CNTN5: variants seen among roughly 807,000 people sequenced by gnomAD.
The protein encoded by CNTN5 is contactin 5.
A neutral mutation model predicts 129.1 loss-of-function variants in CNTN5; 77 were observed. The observed-to-expected ratio is 0.60, with a 90% CI of 0.50 to 0.72. CNTN5 has a LOEUF of 0.72. Ranked by LOEUF, CNTN5 falls within the 30% of genes least tolerant of loss-of-function variation. CNTN5 has a pLI of 0.00. For synonymous variants in CNTN5, 509 were observed against 465.6 expected (o/e 1.09, Z -1.20); for missense variants, 1,478 against 1,328.8 (o/e 1.11, Z -1.75).
At chr11:99,170,136 C>G (rs1341734142) in intron 1 of CNTN5, among the ~76,000 whole-genome samples, 1 of 151,968 alleles carries the variant, frequency 6.6e-6, no homozygotes, top group African/African-American at 2.4e-5. Flanking sequence ...TTATAGGTTA[C>G]TAATATTTTG....
chr11:99,404,098 A>T (rs1474658571), intron 2 of CNTN5, among the ~76,000 whole-genome samples: 1 of 152,070 alleles, frequency 6.6e-6, no homozygotes, highest in African/African-American at 2.4e-5. Flanking sequence ...TCCCTTAATC[A>T]TTATATAGGG....
intron 7 of CNTN5, among the ~76,000 whole-genome samples, chr11:99,925,508 A>G (rs1950040881): frequency 2.0e-5 from 3 of 152,140 alleles, no homozygotes; most frequent in South Asian, 2.1e-4. Flanking sequence ...TCAAAATGCA[A>G]TGGACACTGA....
chr11:99,734,858 A>C (rs1943649328), intron 3 of CNTN5, among the ~76,000 whole-genome samples: 1 of 152,216 alleles, frequency 6.6e-6, no homozygotes, highest in Non-Finnish European at 1.5e-5. Flanking sequence ...AATACAAAAA[A>C]TTAGCCCGGT....
At chr11:99,599,836 C>T (rs567944036) in intron 3 of CNTN5, among the ~76,000 whole-genome samples, 2 of 151,814 alleles carry the variant, frequency 1.3e-5, no homozygotes, top group African/African-American at 4.8e-5. Flanking sequence ...AGGAAAATGA[C>T]AGATTTACAA....
chr11:99,173,114 A>G (rs1857611440), intron 1 of CNTN5, among the ~76,000 whole-genome samples: 1 of 152,200 alleles, frequency 6.6e-6, no homozygotes, highest in African/African-American at 2.4e-5. Context: ...AGCATGGGAA[A>G]GAGCCATCCC....
At chr11:99,510,192 A>G (rs1946782158) in intron 2 of CNTN5, among the ~76,000 whole-genome samples, 2 of 152,062 alleles carry the variant, frequency 1.3e-5, no homozygotes, top group African/African-American at 4.8e-5. Flanking sequence ...AAAGAACAAA[A>G]TGGGGCAACA....
Position 100,029,833 on chromosome 11 carries a change from C to T in CNTN5, c.980+27697C>T, listed in dbSNP as rs1338915477. The stretch of plus-strand genomic sequence containing the variant: ...AAGATTGGGAATGAATCTTTACAGC[C>T]CTCTCATTCTATCTTTACACCAAAA... On this transcript the variant is annotated intron_variant, in intron 9 of 24. Coordinates refer to ENST00000524871, the MANE Select transcript of CNTN5 (RefSeq NM_014361.4). 2.0e-5 allele frequency among the ~76,000 whole-genome samples: 3 copies of T among 151,832 alleles called. No individual in the cohort carries two copies. The East Asian group carries it at 5.8e-4, about 29-fold the overall frequency.
intron 9 of CNTN5, among the ~76,000 whole-genome samples, chr11:100,044,948 G>A (rs1372594338): frequency 1.3e-5 from 2 of 151,984 alleles, no homozygotes; most frequent in Admixed American, 1.3e-4. Flanking sequence ...TCGCATTACT[G>A]AAATCCTCAG....
At chr11:99,806,009 T>A (rs1352872715) in intron 3 of CNTN5, among the ~76,000 whole-genome samples, 1 of 152,206 alleles carries the variant, frequency 6.6e-6, no homozygotes, top group Non-Finnish European at 1.5e-5. Context: ...AATACACATT[T>A]TCAAGCATTG....
intron 3 of CNTN5, among the ~76,000 whole-genome samples, chr11:99,676,689 C>T (rs914481790): frequency 6.6e-6 from 1 of 151,980 alleles, no homozygotes; most frequent in Non-Finnish European, 1.5e-5. Context: ...CAAACCTGCA[C>T]GTTGTGCCCA....
At chr11:99,090,280 A>G (rs929521269) in intron 1 of CNTN5, among the ~76,000 whole-genome samples, 10 of 152,186 alleles carry the variant, frequency 6.6e-5, no homozygotes, top group African/African-American at 2.2e-4. Context: ...ATTACAAAGT[A>G]AGTAGATCAG....
At chr11:99,068,035 T>G (rs60799161) in intron 1 of CNTN5, among the ~76,000 whole-genome samples, 2,170 of 152,264 alleles carry the variant, frequency 0.014, 51 homozygotes, top group African/African-American at 0.05. Context: ...TCTTGCCACC[T>G]TGTGAAGAAG....
intron 2 of CNTN5, among the ~76,000 whole-genome samples, chr11:99,508,069 G>T (rs1946691969): frequency 6.6e-6 from 1 of 152,096 alleles, no homozygotes; most frequent in East Asian, 1.9e-4. Flanking sequence ...ATATACTCTT[G>T]TCCAAAACAT....
intron 10 of CNTN5, among the ~76,000 whole-genome samples, chr11:100,070,191 G>C (rs1290781329): frequency 6.7e-6 from 1 of 149,580 alleles, no homozygotes; most frequent in Non-Finnish European, 1.5e-5. Context: ...AGAAGAAGAA[G>C]ATTTTGCATA....
At chr11:100,289,147 C>G (rs1377606877) in intron 18 of CNTN5, among the ~76,000 whole-genome samples, 2 of 151,524 alleles carry the variant, frequency 1.3e-5, no homozygotes, top group Admixed American at 6.6e-5. Flanking sequence ...AGTCCAGGAC[C>G]AGATGGATTC....
chr11:99,843,915 C>A (rs558145490), intron 4 of CNTN5, among the ~76,000 whole-genome samples: 1 of 152,188 alleles, frequency 6.6e-6, no homozygotes, highest in Non-Finnish European at 1.5e-5. Context: ...ATCTTAGATA[C>A]GCACACGATG....
At chr11:99,839,994 A>G (rs993002441) in intron 4 of CNTN5, among the ~76,000 whole-genome samples, 1 of 151,498 alleles carries the variant, frequency 6.6e-6, no homozygotes, top group African/African-American at 2.4e-5. Flanking sequence ...TGAGTCACAG[A>G]AAAAAAAATC....
chr11:99,719,642 C>G (rs960534114), intron 3 of CNTN5, among the ~76,000 whole-genome samples: 1 of 151,886 alleles, frequency 6.6e-6, no homozygotes, highest in Admixed American at 6.6e-5. Flanking sequence ...ATTAGAGATG[C>G]AAGAACAAAT....
At position 99,387,313 on chromosome 11, in the gene CNTN5, C is replaced by T. The variant is rs571124347; in HGVS notation, c.-71+61829C>T. Among the ~76,000 whole-genome samples the T allele has an allele frequency of 7.2e-5, 11 of 152,146 alleles. No homozygotes were observed. In the East Asian group the frequency reaches 1.7e-3, roughly 24 times the overall value. On this transcript the variant is annotated intron_variant, in intron 2 of 24. Coordinates refer to ENST00000524871, the MANE Select transcript of CNTN5 (RefSeq NM_014361.4). ...CCACATTATCTGTTTTCAGTACATACGTAGTCACACACCCACAGATATTTC... is the reference window on the plus strand; with the variant it reads ...CCACATTATCTGTTTTCAGTACATATGTAGTCACACACCCACAGATATTTC...
Sources: gnomAD v4.1 joint callset for allele counts (sites outside exome capture counted in the v4.1 genomes callset) on GRCh38, gnomAD v4.1.1 for gene constraint, MANE v1.5 for transcripts, NCBI Gene and HGNC (gene_info 2026-07-23, HGNC 2026-07-21) for gene names.